Variants in PPA2 observed in about 807,000 individuals in gnomAD.
PPA2 encodes inorganic pyrophosphatase 2.
Under a neutral mutation model 49.5 loss-of-function variants are expected in PPA2, and 48 were observed. That is an observed-to-expected ratio of 0.97 (90% CI 0.77 to 1.23). PPA2 has a LOEUF of 1.23. PPA2 is among the 50% of genes most tolerant of loss of function. The pLI is 0.00. For synonymous variants in PPA2, 131 were observed against 139.9 expected (o/e 0.94, Z 0.45); for missense variants, 429 against 410.1 (o/e 1.05, Z -0.40).
At chr4:105,462,002 C>T (rs1723112720) in intron 1 of PPA2, among the ~76,000 whole-genome samples, 1 of 152,150 alleles carries the variant, frequency 6.6e-6, no homozygotes, top group South Asian at 2.1e-4. Context: ...TGTTGATATG[C>T]TATTATGTTC....
chr4:105,390,252 G>C (rs551810074), intron 9 of PPA2, among the ~76,000 whole-genome samples: 2 of 152,266 alleles, frequency 1.3e-5, no homozygotes, highest in Admixed American at 6.5e-5. Context: ...ATAGGCATGG[G>C]CAAAGACTTC....
intron 10 of PPA2, among the ~76,000 whole-genome samples, chr4:105,372,154 T>C (rs1733052303): frequency 6.6e-6 from 1 of 152,134 alleles, no homozygotes; most frequent in Non-Finnish European, 1.5e-5. Flanking sequence ...GATTCCAGGG[T>C]CCTGGGTAGC....
At chr4:105,425,360 G>T (rs1723444308) in intron 6 of PPA2, among the ~76,000 whole-genome samples, 1 of 151,988 alleles carries the variant, frequency 6.6e-6, no homozygotes, top group Admixed American at 6.6e-5. Context: ...CAATATGGAA[G>T]AGAGAAATAG....
At chr4:105,389,415 T>TA (rs1733812504) in intron 9 of PPA2, among the ~76,000 whole-genome samples, 1 of 146,812 alleles carries the variant, frequency 6.8e-6, no homozygotes, top group Non-Finnish European at 1.5e-5. Flanking sequence ...GAGGGATGAC[T>TA]AAGCTGTTAG....
At chr4:105,458,126 C>A (rs1722941730) in intron 1 of PPA2, among the ~76,000 whole-genome samples, 1 of 151,918 alleles carries the variant, frequency 6.6e-6, no homozygotes, top group Non-Finnish European at 1.5e-5. Context: ...TGAATCCACA[C>A]TAATACAAAC....
chr4:105,395,188 C>A (rs1734086343), intron 9 of PPA2, among the ~76,000 whole-genome samples: 1 of 152,070 alleles, frequency 6.6e-6, no homozygotes, highest in African/African-American at 2.4e-5. Context: ...ATCTTCAATG[C>A]CAAGCATTTG....
At position 105,426,398 on chromosome 4, in the gene PPA2, C is replaced by T. The variant is rs569256855; in HGVS notation, c.529-2076G>A. On this transcript the variant is annotated intron_variant, in intron 6 of 11. Coordinates refer to ENST00000341695, the MANE Select transcript of PPA2 (RefSeq NM_176869.3). ...GCAGGATGTTGCCTCACCCAGGAAG[C>T]GCCAGGGGTCAGGGGATTTCCCTTT... Among the ~76,000 whole-genome samples the T allele has an allele frequency of 4.8e-4, 73 of 152,316 alleles. 2 individuals are homozygous for T. The South Asian group carries it at 0.013, about 26-fold the overall frequency.
At chr4:105,415,657 G>A (rs1211402260) in intron 7 of PPA2, among the ~76,000 whole-genome samples, 2 of 152,110 alleles carry the variant, frequency 1.3e-5, no homozygotes, top group African/African-American at 2.4e-5. Flanking sequence ...CTGCCAACTC[G>A]GAAGGGGGTG....
intron 2 of PPA2, 52 bp from the exon 3 acceptor site, chr4:105,453,694 T>C (rs776510125): frequency 7.4e-7 from 1 of 1,358,676 alleles, no homozygotes. Flanking sequence ...AAGTATACAG[T>C]GGCACTGCAT....
chr4:105,413,993 G>A (rs1226559244), intron 7 of PPA2, among the ~76,000 whole-genome samples: 1 of 152,112 alleles, frequency 6.6e-6, no homozygotes, highest in African/African-American at 2.4e-5. Flanking sequence ...AAAAACTCTG[G>A]TATACCAAAA....
chr4:105,447,641 A>G (rs879507924), intron 4 of PPA2, among the ~76,000 whole-genome samples: 6 of 152,148 alleles, frequency 3.9e-5, no homozygotes, highest in Non-Finnish European at 8.8e-5. Context: ...ATAAATATAT[A>G]CGATTATAAC....
intron 4 of PPA2, among the ~76,000 whole-genome samples, chr4:105,447,432 A>T (rs761746925): frequency 2.8e-4 from 42 of 152,366 alleles, no homozygotes; most frequent in Middle Eastern, 3.4e-3. Context: ...AAAATCTCAG[A>T]CATGAAGAAT....
At chr4:105,467,182 G>C (rs1723339682) in intron 1 of PPA2, among the ~76,000 whole-genome samples, 1 of 152,216 alleles carries the variant, frequency 6.6e-6, no homozygotes, top group Non-Finnish European at 1.5e-5. Context: ...TGCCTGACTA[G>C]CTACCTACTG....
chr4:105,370,560 G>T, intron 11 of PPA2: 1 of 957,792 alleles, frequency 1.0e-6, no homozygotes, highest in Non-Finnish European at 1.2e-6. Context: ...AAATGTATCA[G>T]AACTGGCTGG....
intron 6 of PPA2, among the ~76,000 whole-genome samples, chr4:105,427,324 G>A (rs1310613019): frequency 6.6e-6 from 1 of 152,114 alleles, no homozygotes; most frequent in Non-Finnish European, 1.5e-5. Flanking sequence ...ACCAGCAACA[G>A]AACAAAACTG....
chr4:105,466,191 A>G, intron 1 of PPA2, among the ~76,000 whole-genome samples: 1 of 152,044 alleles, frequency 6.6e-6, no homozygotes, highest in South Asian at 2.1e-4. Context: ...CCTTTTTTTT[A>G]TAGCAGATGT....
At chr4:105,458,799 C>T (rs536272824) in intron 1 of PPA2, among the ~76,000 whole-genome samples, 5 of 121,284 alleles carry the variant, frequency 4.1e-5, no homozygotes, top group Non-Finnish European at 4.8e-5. Flanking sequence ...TCCAGCCTGG[C>T]GACACAAGAC....
intron 10 of PPA2, among the ~76,000 whole-genome samples, chr4:105,375,955 G>T (rs893834251): frequency 2.6e-5 from 4 of 152,184 alleles, no homozygotes; most frequent in African/African-American, 9.7e-5. Flanking sequence ...CTCTAAGAGT[G>T]TGGTTCTAAG....
At chr4:105,384,534 CTG>C (rs1368929207) in intron 10 of PPA2, among the ~76,000 whole-genome samples, 3 of 152,130 alleles carry the variant, frequency 2.0e-5, no homozygotes, top group Admixed American at 6.5e-5. Flanking sequence ...GAATCTAAAA[CTG>C]AAATACATGG....
Sources: gnomAD v4.1 joint callset for allele counts (sites outside exome capture counted in the v4.1 genomes callset) on GRCh38, gnomAD v4.1.1 for gene constraint, MANE v1.5 for transcripts, NCBI Gene and HGNC (gene_info 2026-07-23, HGNC 2026-07-21) for gene names.